SWSAP1: variants seen among roughly 807,000 people sequenced by gnomAD.
SWSAP1 encodes the protein ATPase SWSAP1.
SWSAP1 carries 4 observed loss-of-function variants against 5.6 expected under a neutral mutation model. The ratio of observed to expected loss-of-function variants is 0.72; its 90% CI spans 0.35 to 1.64. The LOEUF (loss-of-function observed/expected upper bound fraction) is 1.64, where lower values mean the gene tolerates loss of function less well. SWSAP1 is among the 40% of genes most tolerant of loss of function. The probability of loss-of-function intolerance (pLI) is 0.05; values close to 1 mark genes in which losing one functional copy is unlikely to be tolerated. For missense variants in SWSAP1, 354 were observed against 319.8 expected (o/e 1.11, Z -0.82); for synonymous variants, 139 against 143.3 (o/e 0.97, Z 0.22).
In SWSAP1 at chr19:11,375,494, C is replaced by T. The variant is rs1338596664; in HGVS notation, c.250-19C>T. ...TTCCTGTGCTGAATCCGGCCCTTTCCTTCTGTTTCTCCTTCTAGAAGATCC... is the reference window on the plus strand; with the variant it reads ...TTCCTGTGCTGAATCCGGCCCTTTCTTTCTGTTTCTCCTTCTAGAAGATCC... On this transcript the variant is annotated intron_variant, in intron 1 of 1. Coordinates refer to ENST00000674460, the MANE Select transcript of SWSAP1 (RefSeq NM_175871.4). 2.5e-6 allele frequency: 4 copies of T among 1,588,510 alleles called. No homozygotes were observed. The highest frequency in any genetic ancestry group is 2.7e-5 in the African/African-American group (2 of 73,782).
chr19:11,375,081 G>A, intron 1 of SWSAP1, 152 bp downstream of exon 1: 1 of 947,334 alleles, frequency 1.1e-6, no homozygotes, highest in Non-Finnish European at 1.6e-6. Context: ...GGAGTGAGGA[G>A]TGGCACCACG....
chr19:11,375,400 T>C, intron 1 of SWSAP1, 113 bp from the exon 2 acceptor site: 1 of 1,498,218 alleles, frequency 6.7e-7, no homozygotes, highest in African/African-American at 1.4e-5. Context: ...ATTTAACAGC[T>C]CTGAACTGGT....
rs1231171319 is a variant in SWSAP1, at chr19:11,374,910, T to C, written c.230T>C (p.Leu77Pro). Residue 77 changes from leucine to proline, a missense_variant, in exon 1 of 2, where the codon CTA becomes CCA. Coordinates refer to ENST00000674460, the MANE Select transcript of SWSAP1 (RefSeq NM_175871.4). ...QSMPRGTGTTLDPMRLQKIRF... is the reference protein window; with the variant it reads ...QSMPRGTGTTPDPMRLQKIRF... ...ATGCCCCGCGGGACCGGAACGACTC[T>C]AGACCCAATGCGACTCCAGGTAACC... 2.5e-6 allele frequency: 4 copies of C among 1,613,746 alleles called. No individual in the cohort carries two copies. In the African/African-American group the frequency reaches 4.0e-5, roughly 16 times the overall value.
In SWSAP1 at chr19:11,375,855, G is replaced by C. The variant is rs1468326433; in HGVS notation, c.592G>C (p.Glu198Gln). 1.9e-6 allele frequency: 3 copies of C among 1,614,016 alleles called. No homozygotes were observed. The highest frequency in any genetic ancestry group is 2.5e-6 in the Non-Finnish European group (3 of 1,180,038). ...WLQPDAPGPG[E>Q]HGLRACLEPG... ...GCAGCCAGATGCACCAGGTCCAGGA[G>C]AGCACGGCCTCCGAGCCTGCCTGGA... Residue 198 changes from glutamate (E) to glutamine (Q), a missense_variant, in exon 2 of 2, where the codon GAG becomes CAG. Physicochemically the swap from Glu to Gln is conservative, Grantham distance 29 (BLOSUM62 2). Transcript: ENST00000674460.
rs776808174 is a variant in SWSAP1, at chr19:11,375,688, C to T, written c.425C>T (p.Thr142Ile). The T allele has an allele frequency of 6.2e-7, 1 of 1,614,120 alleles. No individual in the cohort carries two copies. Among genetic ancestry groups the T allele is most frequent in the Admixed American group, 1.7e-5 (1 of 60,006 alleles). Residue 142 changes from threonine (T) to isoleucine (I), a missense_variant, in exon 2 of 2, where the codon ACA becomes ATA. Physicochemically the swap from Thr to Ile is moderately conservative, Grantham distance 89. Coordinates refer to ENST00000674460, the MANE Select transcript of SWSAP1 (RefSeq NM_175871.4). Reference sequence around the variant, plus strand: ...TACCTCATTGCCTTACTTCTAGACACAGCTGCCCACTTCAGCCACCGGCTT... The same window carrying T: ...TACCTCATTGCCTTACTTCTAGACATAGCTGCCCACTTCAGCCACCGGCTT... Reference protein sequence around the residue: ...AAYLIALLLDTAAHFSHRLGP... With the variant: ...AAYLIALLLDIAAHFSHRLGP...
chr19:11,375,087 C>T (rs1968261429), intron 1 of SWSAP1, among the ~76,000 whole-genome samples, 158 bp downstream of exon 1: 1 of 152,004 alleles, frequency 6.6e-6, no homozygotes. Context: ...AGGAGTGGCA[C>T]CACGCGGAGC....
Position 11,374,827 on chromosome 19 carries a change from G to A in SWSAP1, c.147G>A (p.Glu49=), listed in dbSNP as rs1319118145. 4 of 1,613,824 alleles carry A rather than the reference G, an allele frequency of 2.5e-6. No homozygotes were observed. In the African/African-American group the frequency reaches 5.3e-5, roughly 22 times the overall value. ...CGCTGCTATTTGCTGCGGCCCTAGA[G>A]GCGGCGGGGGAGGGCCAAGGCCCAG... ...KTALLFAAAL[E]AAGEGQGPVL... is the part of the protein sequence containing the mutation. Residue 49 remains glutamate, a synonymous_variant, in exon 1 of 2, where the codon GAG becomes GAA. Coordinates refer to ENST00000674460, the MANE Select transcript of SWSAP1 (RefSeq NM_175871.4).
chr19:11,374,768 C>G lies in SWSAP1; in HGVS notation c.88C>G (p.Leu30Val). Residue 30 changes from leucine (L) to valine (V), a missense_variant, in exon 1 of 2, where the codon CTG (leucine) becomes GTG (valine). Leu to Val is a conservative substitution (Grantham distance 32). Transcript: ENST00000674460. Reference protein sequence around the residue: ...ENMPAAGPPLLLLGTPGSGKT... With the variant: ...ENMPAAGPPLVLLGTPGSGKT... ...CATGCCTGCCGCCGGACCGCCTTTGCTGCTGCTCGGTACACCAGGATCTGG... is the reference window on the plus strand; with the variant it reads ...CATGCCTGCCGCCGGACCGCCTTTGGTGCTGCTCGGTACACCAGGATCTGG... 6.2e-7 allele frequency: 1 copy of G among 1,612,762 alleles called. No homozygotes were observed. The highest frequency in any genetic ancestry group is 8.5e-7 in the Non-Finnish European group (1 of 1,179,702).
At position 11,375,773 on chromosome 19, in the gene SWSAP1, T is replaced by TG. The variant is rs778160408; in HGVS notation, c.514dup (p.Asp172GlyfsTer66). 5.6e-6 allele frequency: 9 copies of TG among 1,614,112 alleles called. No individual in the cohort carries two copies. Among genetic ancestry groups the TG allele is most frequent in the Non-Finnish European group, 7.6e-6 (9 of 1,180,024 alleles). Reference sequence around the variant, plus strand: ...TCCAGACCCAGGAGGAAGCAGGTAGTGGGGACGTCCTGCACCTGGCACTGC... The same window carrying TG: ...TCCAGACCCAGGAGGAAGCAGGTAGTGGGGGACGTCCTGCACCTGGCACTGC... On this transcript the variant is annotated frameshift_variant, in exon 2 of 2. Coordinates refer to ENST00000674460, the MANE Select transcript of SWSAP1 (RefSeq NM_175871.4). LOFTEE classifies it low-confidence loss of function (END_TRUNC).
Position 11,374,716 on chromosome 19 carries a change from C to T in SWSAP1, c.36C>T (p.Gly12=), listed in dbSNP as rs61745773. ...AETLRRVLTR[G]GAAWSGEENM... is the part of the protein sequence containing the mutation. Reference sequence around the variant, plus strand: ...CGCTGAGGCGGGTGCTAACCAGGGGCGGTGCGGCCTGGTCCGGGGAGGAGA... The same window carrying T: ...CGCTGAGGCGGGTGCTAACCAGGGGTGGTGCGGCCTGGTCCGGGGAGGAGA... Residue 12 remains glycine, a synonymous_variant, in exon 1 of 2, where the codon GGC becomes GGT. Transcript: ENST00000674460. The T allele has an allele frequency of 0.012, 19,545 of 1,584,416 alleles. 155 individuals are homozygous for T. Among genetic ancestry groups the T allele is most frequent in the Non-Finnish European group, 0.015 (17,032 of 1,166,042 alleles).
chr19:11,374,725 C>T lies in SWSAP1; in HGVS notation c.45C>T (p.Ala15=). 3 of 1,598,940 alleles carry T rather than the reference C, an allele frequency of 1.9e-6. No homozygotes were observed. The highest frequency in any genetic ancestry group is 2.2e-5 in the South Asian group (2 of 90,478). ...LRRVLTRGGA[A]WSGEENMPAA... ...GGGTGCTAACCAGGGGCGGTGCGGC[C>T]TGGTCCGGGGAGGAGAACATGCCTG... The change falls in exon 1 of 2, where the codon GCC becomes GCT. Residue 15 remains alanine (A), a synonymous_variant. Transcript: ENST00000674460.
At chr19:11,375,107 A>T (rs1968261656) in intron 1 of SWSAP1, among the ~76,000 whole-genome samples, 178 bp downstream of exon 1, 1 of 152,192 alleles carries the variant, frequency 6.6e-6, no homozygotes, top group East Asian at 1.9e-4. Context: ...CTTAGTTAAG[A>T]TTGAAGTGAG....
At chr19:11,375,033 G>A in intron 1 of SWSAP1, 104 bp downstream of exon 1, 1 of 1,464,578 alleles carries the variant, frequency 6.8e-7, no homozygotes, top group Non-Finnish European at 9.3e-7. Flanking sequence ...GTGGAAGAGC[G>A]AGCCAGGGCA....
Position 11,375,827 on chromosome 19 carries a change from G to C in SWSAP1, c.564G>C (p.Trp188Cys), listed in dbSNP as rs1968272192. The C allele has an allele frequency of 6.2e-7, 1 of 1,614,176 alleles. No homozygotes were observed. Residue 188 changes from tryptophan (W) to cysteine (C), a missense_variant, in exon 2 of 2, where the codon TGG becomes TGC. Trp to Cys is a radical substitution (Grantham distance 215, BLOSUM62 -2). Coordinates refer to ENST00000674460, the MANE Select transcript of SWSAP1 (RefSeq NM_175871.4). ...AGCGGTATTTTCCTGCCCAGTGCTG[G>C]CTGCAGCCAGATGCACCAGGTCCAG... ...LLQRYFPAQCWLQPDAPGPGE... is the reference protein window; with the variant it reads ...LLQRYFPAQCCLQPDAPGPGE...
Position 11,376,108 on chromosome 19 carries a change from T to C in SWSAP1, c.*92T>C. ...TATGCAGATCCAAAGACCTAAACAATGTAAAGTGCTTTTTCTCTTTTAAAA... is the reference window on the plus strand; with the variant it reads ...TATGCAGATCCAAAGACCTAAACAACGTAAAGTGCTTTTTCTCTTTTAAAA... On this transcript the variant is annotated 3_prime_UTR_variant, in exon 2 of 2. Coordinates refer to ENST00000674460, the MANE Select transcript of SWSAP1 (RefSeq NM_175871.4). The C allele has an allele frequency of 8.6e-7, 1 of 1,159,602 alleles. No homozygotes were observed. Among genetic ancestry groups the C allele is most frequent in the Non-Finnish European group, 1.2e-6 (1 of 843,608 alleles). The allele number at this position is 1,159,602 out of a possible 1,614,324, so 71.8% of individuals were successfully genotyped here.
chr19:11,374,933 A>G lies in SWSAP1; in HGVS notation c.249+4A>G. On this transcript the variant is annotated splice_donor_region_variant and intron_variant, in intron 1 of 1. Coordinates refer to ENST00000674460, the MANE Select transcript of SWSAP1 (RefSeq NM_175871.4). ...TCTAGACCCAATGCGACTCCAGGTAACCGTGGGGGTGGGAGCAGAGGCGTT... is the reference window on the plus strand; with the variant it reads ...TCTAGACCCAATGCGACTCCAGGTAGCCGTGGGGGTGGGAGCAGAGGCGTT... 2 of 1,613,092 alleles carry G rather than the reference A, an allele frequency of 1.2e-6. No individual in the cohort carries two copies. Among genetic ancestry groups the G allele is most frequent in the Non-Finnish European group, 1.7e-6 (2 of 1,180,004 alleles).
intron 1 of SWSAP1, 136 bp downstream of exon 1, chr19:11,375,065 G>T (rs1968260797): frequency 6.1e-6 from 7 of 1,143,918 alleles, no homozygotes; most frequent in Non-Finnish European, 8.8e-6. Context: ...GCGGAGTCAG[G>T]CAGGCGGAGT....
chr19:11,376,016 A>G lies in SWSAP1; in HGVS notation c.753A>G (p.Ter251TrpextTer29), dbSNP rs775174451. 10 of 1,587,400 alleles carry G rather than the reference A, an allele frequency of 6.3e-6. No homozygotes were observed. The highest frequency in any genetic ancestry group is 8.6e-6 in the Non-Finnish European group (10 of 1,165,038). The change falls in exon 2 of 2, where the codon TGA (stop) becomes TGG (tryptophan). Residue 251 changes from the stop codon to tryptophan (W), a stop_lost. Coordinates refer to ENST00000674460, the MANE Select transcript of SWSAP1 (RefSeq NM_175871.4). Reference sequence around the variant, plus strand: ...GTTCAAGCTCTGGAGGCCAGCCCTGAGCTTTGGTGGGTGACTACCTCTCTG... The same window carrying G: ...GTTCAAGCTCTGGAGGCCAGCCCTGGGCTTTGGTGGGTGACTACCTCTCTG... ...GKGSSSGGQP[*>W]
chr19:11,374,969 G>A (rs1377354029), intron 1 of SWSAP1, 40 bp downstream of exon 1: 1 of 1,604,694 alleles, frequency 6.2e-7, no homozygotes, highest in Non-Finnish European at 8.5e-7. Flanking sequence ...CTAGCCAATG[G>A]TGGAGTAGAT....
Sources: allele counts gnomAD v4.1 joint callset (sites outside exome capture counted in the v4.1 genomes callset), GRCh38; gene constraint gnomAD v4.1.1; transcripts MANE v1.5; gene names NCBI Gene and HGNC (gene_info 2026-07-23, HGNC 2026-07-21).